The following ROBO2 variants were observed in gnomAD, a reference collection of about 807,000 sequenced individuals.
ROBO2 encodes roundabout guidance receptor 2.
In ROBO2, 53 loss-of-function variants were observed where a neutral mutation model predicts 160.8. The observed-to-expected ratio is 0.33, with a 90% CI of 0.26 to 0.41. ROBO2 has a LOEUF of 0.41. ROBO2 is among the 10% of genes least tolerant of loss of function. The probability of loss-of-function intolerance (pLI) is 1.00; values close to 1 mark genes in which losing one functional copy is unlikely to be tolerated. For synonymous variants in ROBO2, 664 were observed against 611.7 expected, an observed-to-expected ratio of 1.09 and a Z score of -1.26; for missense variants, 1,577 against 1,722.4, an observed-to-expected ratio of 0.92 and a Z score of 1.49.
rs949610926 is a variant in ROBO2, at chr3:76,046,030, C to G, written c.109+108428C>G. Reference sequence around the variant, plus strand: ...GAAGTCTTCACTTTGACTGCCAGCACTGCTTGTATACCTTTCAAGTCAGAA... The same window carrying G: ...GAAGTCTTCACTTTGACTGCCAGCAGTGCTTGTATACCTTTCAAGTCAGAA... On this transcript the variant is annotated intron_variant, in intron 2 of 26. Transcript: ENST00000487694. Among the ~76,000 whole-genome samples the G allele has an allele frequency of 1.4e-4, 22 of 152,028 alleles. 1 individual carries two copies. Among genetic ancestry groups the G allele is most frequent in the Admixed American group, 1.2e-3 (19 of 15,288 alleles).
intron 2 of ROBO2, among the ~76,000 whole-genome samples, chr3:76,039,488 ATC>A (rs1273197859): frequency 2.0e-5 from 3 of 152,104 alleles, no homozygotes; most frequent in East Asian, 1.9e-4. Context: ...TGATGAAAAC[ATC>A]TGTTTCCTTT....
rs149516450 is a variant in ROBO2, at chr3:77,061,201, C to T, written c.61+20355C>T. On this transcript the variant is annotated intron_variant, in intron 1 of 25. Transcript: ENST00000461745. The stretch of plus-strand genomic sequence containing the variant: ...ACAAAGACATGCATGTACATACAGA[C>T]GGAAGCAGATAAGTTGTTGATTTAA... Among the ~76,000 whole-genome samples, 370 of 152,152 alleles carry T rather than the reference C, an allele frequency of 2.4e-3. 3 individuals carry two copies. Among genetic ancestry groups the T allele is most frequent in the African/African-American group, 8.5e-3 (354 of 41,502 alleles).
intron 2 of ROBO2, among the ~76,000 whole-genome samples, chr3:76,175,661 G>A (rs1395431565): frequency 6.6e-6 from 1 of 151,990 alleles, no homozygotes; most frequent in Non-Finnish European, 1.5e-5. Flanking sequence ...TGGAACTGCT[G>A]GTTCCTGACT....
At position 77,437,359 on chromosome 3, in the gene ROBO2, C is replaced by A. The variant is rs140705850; in HGVS notation, c.389-40055C>A. On this transcript the variant is annotated intron_variant, in intron 2 of 25. Coordinates refer to ENST00000461745, the Ensembl canonical transcript of ROBO2. ...ATTATATTGTCTTTCATCTTATAAA[C>A]CTTGTGCTCAAGTACTGAAATTTAA... Among the ~76,000 whole-genome samples the A allele has an allele frequency of 2.2e-3, 340 of 151,974 alleles. 1 individual carries two copies. Among genetic ancestry groups the A allele is most frequent in the African/African-American group, 8.0e-3 (331 of 41,512 alleles).
intron 8 of ROBO2, among the ~76,000 whole-genome samples, chr3:77,554,963 G>T (rs1342766080): frequency 6.6e-6 from 1 of 151,900 alleles, no homozygotes; most frequent in African/African-American, 2.4e-5. Flanking sequence ...AATCTTTCCT[G>T]AAAGGAATAG....
chr3:77,629,350 G>A (rs984360676), intron 23 of ROBO2: 9 of 152,094 alleles, frequency 5.9e-5, no homozygotes, highest in African/African-American at 2.2e-4. Context: ...AGTTTTATAG[G>A]TTCAGAGACT....
intron 2 of ROBO2, among the ~76,000 whole-genome samples, chr3:77,286,256 C>CTTTTTT (rs10663209): frequency 3.3e-5 from 4 of 119,876 alleles, no homozygotes; most frequent in East Asian, 2.7e-4. Flanking sequence ...AATTATGGAG[C>CTTTTTT]TTTTTTTTTT....
chr3:76,423,925 A>G (rs989056268), intron 2 of ROBO2, among the ~76,000 whole-genome samples: 2 of 152,192 alleles, frequency 1.3e-5, no homozygotes, highest in Admixed American at 6.5e-5. Flanking sequence ...CCTGTCCAGC[A>G]GTAGAGCCTA....
intron 2 of ROBO2, among the ~76,000 whole-genome samples, chr3:76,745,229 C>T (rs903170871): frequency 5.9e-5 from 9 of 151,964 alleles, no homozygotes; most frequent in South Asian, 4.2e-4. Flanking sequence ...GATAGATCAA[C>T]GTAGATATTA....
intron 4 of ROBO2, among the ~76,000 whole-genome samples, chr3:77,492,123 A>C (rs1250262752): frequency 6.6e-6 from 1 of 152,194 alleles, no homozygotes; most frequent in Non-Finnish European, 1.5e-5. Context: ...TAAGTGGCTA[A>C]ATATGTCCAG....
chr3:77,539,551 A>G (rs1238137707), intron 6 of ROBO2, among the ~76,000 whole-genome samples: 1 of 152,176 alleles, frequency 6.6e-6, no homozygotes, highest in Non-Finnish European at 1.5e-5. Flanking sequence ...AATAATGCAG[A>G]TATATTATTC....
intron 2 of ROBO2, among the ~76,000 whole-genome samples, chr3:76,557,874 G>A (rs2083900400): frequency 8.1e-6 from 1 of 122,950 alleles, no homozygotes; most frequent in African/African-American, 3.2e-5. Flanking sequence ...AGCTTCATTT[G>A]CTGGAATTAC....
At chr3:76,954,079 G>C (rs2079107325) in intron 2 of ROBO2, among the ~76,000 whole-genome samples, 1 of 152,158 alleles carries the variant, frequency 6.6e-6, no homozygotes, top group Non-Finnish European at 1.5e-5. Context: ...AGTCCCAGAT[G>C]ATTCGTTTAT....
chr3:76,674,429 T>C (rs774187675), intron 2 of ROBO2, among the ~76,000 whole-genome samples: 3 of 152,006 alleles, frequency 2.0e-5, no homozygotes, highest in Non-Finnish European at 4.4e-5. Context: ...AGCAGGGACC[T>C]CACAAGTCTT....
At position 77,496,393 on chromosome 3, in the gene ROBO2, A is replaced by G. The variant is rs186841105; in HGVS notation, c.806+3011A>G. Among the ~76,000 whole-genome samples, 93 of 152,228 alleles carry G rather than the reference A, an allele frequency of 6.1e-4. 2 individuals are homozygous for G. The highest frequency in any genetic ancestry group is 3.4e-3 in the Middle Eastern group (1 of 294). Reference sequence around the variant, plus strand: ...GGAGTTTATTCATTCCTCGATTTGTATGTATTAGCATAAGCCTCACTTATG... The same window carrying G: ...GGAGTTTATTCATTCCTCGATTTGTGTGTATTAGCATAAGCCTCACTTATG... On this transcript the variant is annotated intron_variant, in intron 5 of 25. Coordinates refer to ENST00000461745, the Ensembl canonical transcript of ROBO2.
intron 2 of ROBO2, among the ~76,000 whole-genome samples, chr3:76,150,914 A>G (rs1223200699): frequency 1.3e-5 from 2 of 152,194 alleles, no homozygotes; most frequent in Non-Finnish European, 2.9e-5. Context: ...GATGAATAGT[A>G]CAATGTAGCA....
intron 2 of ROBO2, among the ~76,000 whole-genome samples, chr3:77,276,648 A>G (rs1438868691): frequency 6.6e-6 from 1 of 152,132 alleles, no homozygotes; most frequent in African/African-American, 2.4e-5. Context: ...GCTACTCGGG[A>G]GGCTTAGGCA....
At chr3:76,085,731 T>TA (rs756034794) in intron 2 of ROBO2, among the ~76,000 whole-genome samples, 2 of 152,060 alleles carry the variant, frequency 1.3e-5, no homozygotes, top group African/African-American at 2.4e-5. Flanking sequence ...TGGGAACCAG[T>TA]GCCACACTAG....
At chr3:76,206,889 A>C (rs1702841624) in intron 2 of ROBO2, among the ~76,000 whole-genome samples, 1 of 152,184 alleles carries the variant, frequency 6.6e-6, no homozygotes, top group Admixed American at 6.5e-5. Flanking sequence ...CATTGATATT[A>C]GTTTCCAGCA....
Sources: allele counts gnomAD v4.1 joint callset (sites outside exome capture counted in the v4.1 genomes callset), GRCh38; gene constraint gnomAD v4.1.1; transcripts MANE v1.5; gene names NCBI Gene and HGNC (gene_info 2026-07-23, HGNC 2026-07-21).